Variants in ABCD3 observed in about 807,000 individuals in gnomAD.
ABCD3 encodes ATP binding cassette subfamily D member 3, also known as ATP-binding cassette sub-family D member 3.
Under a neutral mutation model 105.5 loss-of-function variants are expected in ABCD3, and 41 were observed. The observed-to-expected ratio is 0.39, with a 90% CI of 0.30 to 0.50. The LOEUF (loss-of-function observed/expected upper bound fraction) is 0.50, where lower values mean the gene tolerates loss of function less well. Ranked by LOEUF, ABCD3 falls within the 20% of genes least tolerant of loss-of-function variation. The pLI, the probability that ABCD3 is intolerant of heterozygous loss-of-function variation, is 0.84. For missense variants in ABCD3, 622 were observed against 806.3 expected (o/e 0.77, Z 2.77); for synonymous variants, 258 against 269.0 (o/e 0.96, Z 0.40).
the ABCD3 span, among the ~76,000 whole-genome samples, chr1:94,398,076 ATAGAC>A: frequency 1.3e-5 from 2 of 152,156 alleles, no homozygotes; most frequent in Non-Finnish European, 2.9e-5. Context: ...TTTTATCAGT[ATAGAC>A]TAATGAATTT....
chr1:94,475,429 T>C (rs921916314), intron 6 of ABCD3, among the ~76,000 whole-genome samples, 185 bp from the exon 7 acceptor site: 1 of 152,164 alleles, frequency 6.6e-6, no homozygotes, highest in Non-Finnish European at 1.5e-5. Flanking sequence ...AATTGACAAG[T>C]CATCATTTTC....
intron 13 of ABCD3, among the ~76,000 whole-genome samples, chr1:94,489,087 C>A (rs1444302696): frequency 6.6e-6 from 1 of 152,018 alleles, no homozygotes; most frequent in Non-Finnish European, 1.5e-5. Context: ...AGAGAAAAAT[C>A]CTGTTTTCTT....
At chr1:94,503,731 G>A (rs1297399717) in intron 20 of ABCD3, among the ~76,000 whole-genome samples, 1 of 151,786 alleles carries the variant, frequency 6.6e-6, no homozygotes, top group African/African-American at 2.4e-5. Flanking sequence ...TCATTTATTA[G>A]ATAGTTGAAT....
chr1:94,493,853 C>T (rs888026650), intron 16 of ABCD3, among the ~76,000 whole-genome samples: 27 of 151,984 alleles, frequency 1.8e-4, no homozygotes, highest in South Asian at 4.2e-4. Context: ...GACAAAAAAC[C>T]AAACACCGCA....
In ABCD3 at chr1:94,487,751, A is replaced by G. The variant is rs746038375; in HGVS notation, c.1025A>G (p.His342Arg). 6.2e-7 allele frequency: 1 copy of G among 1,614,038 alleles called. No homozygotes were observed. The highest frequency in any genetic ancestry group is 8.5e-7 in the Non-Finnish European group (1 of 1,179,966). The change falls in exon 12 of 23, where the codon CAT becomes CGT. Residue 342 changes from histidine to arginine, a missense_variant. Coordinates refer to ENST00000370214, the MANE Select transcript of ABCD3 (RefSeq NM_002858.4). ...AGTCGCCCTTTCTTAGATTTGTCTCATCCTCGACATCTCAAGAGTACACAT... is the reference window on the plus strand; with the variant it reads ...AGTCGCCCTTTCTTAGATTTGTCTCGTCCTCGACATCTCAAGAGTACACAT... ...VVSRPFLDLS[H>R]PRHLKSTHSE...
At chr1:94,445,143 A>G (rs185303363) in intron 1 of ABCD3, among the ~76,000 whole-genome samples, 2 of 152,356 alleles carry the variant, frequency 1.3e-5, no homozygotes, top group African/African-American at 4.8e-5. Flanking sequence ...CTTGCTATCA[A>G]TAAATATGTG....
At chr1:94,488,718 T>C (rs1176712027) in intron 13 of ABCD3, among the ~76,000 whole-genome samples, 1 of 152,084 alleles carries the variant, frequency 6.6e-6, no homozygotes, top group African/African-American at 2.4e-5. Flanking sequence ...AGAGTCTCTT[T>C]CATGAGAATA....
intron 1 of ABCD3, among the ~76,000 whole-genome samples, chr1:94,452,628 G>A (rs367646807): frequency 2.4e-4 from 37 of 152,148 alleles, no homozygotes; most frequent in African/African-American, 8.9e-4. Flanking sequence ...CAGTACATTC[G>A]CATGGTCTGA....
At chr1:94,400,547 A>T in the ABCD3 span, among the ~76,000 whole-genome samples, 2 of 152,174 alleles carry the variant, frequency 1.3e-5, no homozygotes, top group Non-Finnish European at 2.9e-5. Flanking sequence ...CCTCTAGACC[A>T]GTGTGGCACT....
Position 94,468,667 on chromosome 1 carries a change from C to G in ABCD3, c.335+660C>G, listed in dbSNP as rs549166510. Reference sequence around the variant, plus strand: ...ACATTTTTGCTAGGAATTTTATTTCCTGGTATGCAGTATTTTGTCAGAAAA... The same window carrying G: ...ACATTTTTGCTAGGAATTTTATTTCGTGGTATGCAGTATTTTGTCAGAAAA... On this transcript the variant is annotated intron_variant, in intron 4 of 22. Coordinates refer to ENST00000370214, the MANE Select transcript of ABCD3 (RefSeq NM_002858.4). Among the ~76,000 whole-genome samples the G allele has an allele frequency of 2.0e-5, 3 of 152,024 alleles. No individual in the cohort carries two copies. The South Asian group carries it at 6.2e-4, about 32-fold the overall frequency.
At chr1:94,404,950 A>C in the ABCD3 span, among the ~76,000 whole-genome samples, 1 of 151,514 alleles carries the variant, frequency 6.6e-6, no homozygotes, top group African/African-American at 2.4e-5. Flanking sequence ...AAAAAAAAAA[A>C]AGAAAAAAAA....
Position 94,493,117 on chromosome 1 carries a change from G to A in ABCD3, c.1386+1870G>A, listed in dbSNP as rs1260146693. Among the ~76,000 whole-genome samples, 4 of 151,754 alleles carry A rather than the reference G, an allele frequency of 2.6e-5. No individual in the cohort carries two copies. The East Asian group carries it at 7.8e-4, about 29-fold the overall frequency. On this transcript the variant is annotated intron_variant, in intron 16 of 22. Coordinates refer to ENST00000370214, the MANE Select transcript of ABCD3 (RefSeq NM_002858.4). ...AAATGGGATCTAATTAAACTAAAGA[G>A]CTTCTGCACAGCAAAAGAAACTACC...
rs372974486 is a variant in ABCD3, at chr1:94,487,723, G to C, written c.997G>C (p.Val333Leu). Residue 333 changes from valine to leucine, a missense_variant, in exon 12 of 23, where the codon GTC becomes CTC. By Grantham distance (32) the Val-to-Leu change is conservative. Coordinates refer to ENST00000370214, the MANE Select transcript of ABCD3 (RefSeq NM_002858.4). Reference sequence around the variant, plus strand: ...TGCCACTGTTGTTGGTTACCTAGTTGTCAGTCGCCCTTTCTTAGATTTGTC... The same window carrying C: ...TGCCACTGTTGTTGGTTACCTAGTTCTCAGTCGCCCTTTCTTAGATTTGTC... ...YLATVVGYLVVSRPFLDLSHP... is the reference protein window; with the variant it reads ...YLATVVGYLVLSRPFLDLSHP... 3 of 1,614,006 alleles carry C rather than the reference G, an allele frequency of 1.9e-6. No individual in the cohort carries two copies. Among genetic ancestry groups the C allele is most frequent in the Non-Finnish European group, 2.5e-6 (3 of 1,179,948 alleles).
chr1:94,500,233 G>T, intron 20 of ABCD3, among the ~76,000 whole-genome samples: 1 of 151,972 alleles, frequency 6.6e-6, no homozygotes, highest in East Asian at 1.9e-4. Context: ...ACACTACGTA[G>T]TAAGAATGAG....
chr1:94,402,467 A>C, the ABCD3 span, among the ~76,000 whole-genome samples: 1 of 152,170 alleles, frequency 6.6e-6, no homozygotes, highest in Non-Finnish European at 1.5e-5. Flanking sequence ...GGGCCATTTG[A>C]AGGCTCTTTA....
intron 1 of ABCD3, among the ~76,000 whole-genome samples, chr1:94,435,600 C>T (rs1376021672): frequency 6.6e-6 from 1 of 152,122 alleles, no homozygotes; most frequent in Non-Finnish European, 1.5e-5. Context: ...ATGCTTGACA[C>T]CTAGATCAGT....
At chr1:94,469,720 C>T (rs1250814896) in intron 4 of ABCD3, among the ~76,000 whole-genome samples, 1 of 133,248 alleles carries the variant, frequency 7.5e-6, no homozygotes, top group African/African-American at 2.8e-5. Flanking sequence ...GGCTGGAGTG[C>T]AGCGGCGCGA....
chr1:94,481,239 G>T (rs906357594), intron 9 of ABCD3, among the ~76,000 whole-genome samples: 2 of 152,150 alleles, frequency 1.3e-5, no homozygotes, highest in African/African-American at 4.8e-5. Flanking sequence ...TGGAGCAACT[G>T]CTCAATAAAT....
chr1:94,425,800 T>C (rs999207144), intron 1 of ABCD3, among the ~76,000 whole-genome samples: 4 of 152,178 alleles, frequency 2.6e-5, no homozygotes, highest in Non-Finnish European at 5.9e-5. Flanking sequence ...AAAATGAACA[T>C]TTTTTTGTGC....
Sources: allele counts gnomAD v4.1 joint callset (sites outside exome capture counted in the v4.1 genomes callset), GRCh38; gene constraint gnomAD v4.1.1; transcripts MANE v1.5; gene names NCBI Gene and HGNC (gene_info 2026-07-23, HGNC 2026-07-21).